The following TBC1D12 variants were observed in gnomAD, a reference collection of about 807,000 sequenced individuals.
TBC1D12 encodes the protein TBC1 domain family, member 12.
TBC1D12 carries 56 observed loss-of-function variants against 86.7 expected under a neutral mutation model. That is an observed-to-expected ratio of 0.65 (90% confidence interval 0.52 to 0.81). The LOEUF is 0.81. Among genes scored for constraint, TBC1D12 ranks in the 30% least tolerant of loss-of-function variants. The probability of loss-of-function intolerance (pLI) is 0.00; values close to 1 mark genes in which losing one functional copy is unlikely to be tolerated. For synonymous variants in TBC1D12, 421 were observed against 411.7 expected (o/e 1.02, Z -0.27); for missense variants, 1,023 against 1,038.8 (o/e 0.98, Z 0.21).
At chr10:94,527,871 C>T (rs538709277) in intron 11 of TBC1D12, among the ~76,000 whole-genome samples, 133 of 152,278 alleles carry the variant, frequency 8.7e-4, no homozygotes, top group African/African-American at 2.6e-3. Flanking sequence ...TGTCAAAAAT[C>T]AGTTGGCTAT....
chr10:94,426,843 T>C (rs2134069460), intron 1 of TBC1D12, among the ~76,000 whole-genome samples: 1 of 152,354 alleles, frequency 6.6e-6, no homozygotes, highest in African/African-American at 2.4e-5. Flanking sequence ...TGCAAAGTGC[T>C]GGGATTACAG....
In TBC1D12 at chr10:94,456,462, A is replaced by C. The variant is rs61704503; in HGVS notation, c.1095+14443A>C. Among the ~76,000 whole-genome samples the C allele has an allele frequency of 3.2e-3, 488 of 152,230 alleles. 2 individuals carry two copies. Among genetic ancestry groups the C allele is most frequent in the African/African-American group, 0.011 (472 of 41,534 alleles). On this transcript the variant is annotated intron_variant, in intron 2 of 12. Transcript: ENST00000225235. Reference sequence around the variant, plus strand: ...TTAGAAGTGTGTTGTTTAATCTCCAAGTATTTGGGGATTTTTCAGCTATCT... The same window carrying C: ...TTAGAAGTGTGTTGTTTAATCTCCACGTATTTGGGGATTTTTCAGCTATCT...
At position 94,535,169 on chromosome 10, in the gene TBC1D12, A is replaced by G. The variant is rs1842520698; in HGVS notation, c.*2073A>G. 1 of 152,146 alleles carries G rather than the reference A, an allele frequency of 6.6e-6. No individual in the cohort carries two copies. The highest frequency in any genetic ancestry group is 1.5e-5 in the Non-Finnish European group (1 of 68,030). 9.4% of individuals were successfully genotyped at this position (152,146 alleles called of 1,614,324 possible). A position where few individuals can be genotyped will look rare whatever the true frequency, so the allele number is the denominator to read the frequency against. ...TTGGCTTTCGGAACTGCTACTAGAG[A>G]CATACATGAGGCAGCGAACACATCT... On this transcript the variant is annotated 3_prime_UTR_variant, in exon 13 of 13. Transcript: ENST00000225235.
chr10:94,489,684 CTTCTT>C (rs1310327997), intron 3 of TBC1D12, among the ~76,000 whole-genome samples: 1 of 152,162 alleles, frequency 6.6e-6, no homozygotes, highest in East Asian at 1.9e-4. Context: ...ATATGGGACT[CTTCTT>C]TTCACTTAGA....
At chr10:94,465,917 CGT>C (rs2055813098) in intron 2 of TBC1D12, among the ~76,000 whole-genome samples, 1 of 149,208 alleles carries the variant, frequency 6.7e-6, no homozygotes, top group Admixed American at 6.7e-5. Context: ...TACATATATA[CGT>C]ATATATGCGT....
chr10:94,402,809 C>T lies in TBC1D12; in HGVS notation c.196C>T (p.Pro66Ser). 2 of 1,540,726 alleles carry T rather than the reference C, an allele frequency of 1.3e-6. No homozygotes were observed. Among genetic ancestry groups the T allele is most frequent in the Non-Finnish European group, 1.8e-6 (2 of 1,142,444 alleles). The change falls in exon 1 of 13, where the codon CCT (proline) becomes TCT (serine). Residue 66 changes from proline to serine, a missense_variant. Pro to Ser is a moderately conservative substitution (Grantham distance 74). Transcript: ENST00000225235. ...GGCTGACGAGGAGGAGGAGACGCCG[C>T]CTCGGCAGCTCCTTCAGCGTTACCT... ...EEADEEEETP[P>S]RQLLQRYLAA...
chr10:94,454,862 G>C (rs544522081), intron 2 of TBC1D12, among the ~76,000 whole-genome samples: 1 of 152,118 alleles, frequency 6.6e-6, no homozygotes, highest in Non-Finnish European at 1.5e-5. Flanking sequence ...TTCCCAATTA[G>C]TGTAACTTTT....
chr10:94,497,605 C>T (rs1478539791), intron 5 of TBC1D12, among the ~76,000 whole-genome samples: 3 of 150,422 alleles, frequency 2.0e-5, no homozygotes, highest in South Asian at 2.1e-4. Context: ...CTGCAAGCTC[C>T]GCCTCCCGGG....
intron 2 of TBC1D12, 97 bp downstream of exon 2, chr10:94,442,116 A>G: frequency 8.0e-7 from 1 of 1,256,804 alleles, no homozygotes. Flanking sequence ...ACCATATTCT[A>G]TTTTTATTCT....
At chr10:94,425,647 C>G (rs1220446063) in intron 1 of TBC1D12, among the ~76,000 whole-genome samples, 1 of 152,178 alleles carries the variant, frequency 6.6e-6, no homozygotes, top group Non-Finnish European at 1.5e-5. Context: ...ATGCAGAAGA[C>G]AGCTAATTAA....
At chr10:94,531,157 CAATG>C (rs1842408857) in intron 11 of TBC1D12, 41 bp from the exon 12 acceptor site, 1 of 1,582,182 alleles carries the variant, frequency 6.3e-7, no homozygotes, top group Non-Finnish European at 8.6e-7. Flanking sequence ...GTAAATGAGT[CAATG>C]AATGAAAAAT....
chr10:94,429,810 T>C (rs1267787044), intron 1 of TBC1D12, among the ~76,000 whole-genome samples: 13 of 152,180 alleles, frequency 8.5e-5, no homozygotes, highest in Non-Finnish European at 1.9e-4. Flanking sequence ...CTTGTGTTAC[T>C]GCAGCCTTGA....
chr10:94,502,652 A>G (rs2056413337), intron 6 of TBC1D12, among the ~76,000 whole-genome samples: 1 of 152,188 alleles, frequency 6.6e-6, no homozygotes, highest in African/African-American at 2.4e-5. Context: ...TGATTGTGCC[A>G]CTGCACTCCA....
chr10:94,460,705 T>G (rs1418925501), intron 2 of TBC1D12, among the ~76,000 whole-genome samples: 1 of 152,180 alleles, frequency 6.6e-6, no homozygotes, highest in East Asian at 1.9e-4. Context: ...TCTCTCTGTC[T>G]CTCTTTTCCT....
intron 9 of TBC1D12, among the ~76,000 whole-genome samples, chr10:94,517,277 C>G (rs11187997): frequency 0.026 from 4,006 of 152,164 alleles, 175 homozygotes; most frequent in African/African-American, 0.089. Context: ...ACTCAGGAGG[C>G]TGAGCCACGA....
intron 2 of TBC1D12, among the ~76,000 whole-genome samples, chr10:94,458,962 T>C (rs2055675019): frequency 6.6e-6 from 1 of 152,066 alleles, no homozygotes; most frequent in Admixed American, 6.5e-5. Context: ...AAACAAAGCT[T>C]CCACAGCGTG....
chr10:94,418,555 C>CTAT (rs147676016), intron 1 of TBC1D12, among the ~76,000 whole-genome samples: 7,081 of 149,562 alleles, frequency 0.047, 184 homozygotes, highest in Middle Eastern at 0.15. Context: ...ATACTTTGGT[C>CTAT]TATTATTATT....
chr10:94,506,371 G>T (rs116815875), intron 6 of TBC1D12, among the ~76,000 whole-genome samples: 1 of 152,098 alleles, frequency 6.6e-6, no homozygotes, highest in Non-Finnish European at 1.5e-5. Context: ...CCATGTTCTT[G>T]TATTACCTTT....
chr10:94,465,518 T>A (rs2134129090), intron 2 of TBC1D12, among the ~76,000 whole-genome samples: 1 of 152,070 alleles, frequency 6.6e-6, no homozygotes, highest in Non-Finnish European at 1.5e-5. Context: ...TGGTGGCACG[T>A]GCCTGTAGTC....
Sources: gnomAD v4.1 joint callset for allele counts (sites outside exome capture counted in the v4.1 genomes callset) on GRCh38, gnomAD v4.1.1 for gene constraint, MANE v1.5 for transcripts, NCBI Gene and HGNC (gene_info 2026-07-23, HGNC 2026-07-21) for gene names.